The following ZNF610 variants were observed in gnomAD, a reference collection of about 807,000 sequenced individuals.
ZNF610 encodes zinc finger protein 610.
A neutral mutation model predicts 14.1 loss-of-function variants in ZNF610; 14 were observed. The ratio of observed to expected loss-of-function variants is 0.99; its 90% CI spans 0.65 to 1.55. ZNF610 has a LOEUF of 1.55. Among genes scored for constraint, ZNF610 ranks in the 40% most tolerant of loss-of-function variants. The probability of loss-of-function intolerance (pLI) is 0.00; values close to 1 mark genes in which losing one functional copy is unlikely to be tolerated. For synonymous variants in ZNF610, 185 were observed against 187.6 expected, an observed-to-expected ratio of 0.99 and a Z score of 0.11; for missense variants, 530 against 558.0, an observed-to-expected ratio of 0.95 and a Z score of 0.51.
In ZNF610 at chr19:52,367,761, TAA is replaced by T. The variant is rs1203170672; in HGVS notation, c.*996_*997del. 1.3e-5 allele frequency: 2 copies of T among 152,178 alleles called. No homozygotes were observed. The highest frequency in any genetic ancestry group is 2.9e-5 in the Non-Finnish European group (2 of 68,044). 9.4% of individuals were successfully genotyped at this position (152,178 alleles called of 1,614,324 possible). A position where few individuals can be genotyped will look rare whatever the true frequency, so the allele number is the denominator to read the frequency against. Reference sequence around the variant, plus strand: ...TACACCCTCAAATGTGTGTGAGTGTTAAAGAGTATGCCCTGTATTGTGTTTCT... The same window carrying T: ...TACACCCTCAAATGTGTGTGAGTGTTAGAGTATGCCCTGTATTGTGTTTCT... On this transcript the variant is annotated 3_prime_UTR_variant, in exon 6 of 6. Transcript: ENST00000403906.
chr19:52,353,914 C>A lies in ZNF610; in HGVS notation c.190+106C>A, dbSNP rs567661583. 1.6e-4 allele frequency: 223 copies of A among 1,386,358 alleles called. No individual in the cohort carries two copies. In the African/African-American group the frequency reaches 2.9e-3, roughly 18 times the overall value. 85.9% of individuals were successfully genotyped at this position (1,386,358 alleles called of 1,614,324 possible). A position where few individuals can be genotyped will look rare whatever the true frequency, so the allele number is the denominator to read the frequency against. On this transcript the variant is annotated intron_variant, in intron 4 of 5. Transcript: ENST00000403906. The stretch of plus-strand genomic sequence containing the variant: ...CTAAATTGCTTAACTGAGGTAGAAA[C>A]CTTGTTGACTCAGAAATGAAAAGCT...
chr19:52,334,591 A>G (rs905511766), upstream of ZNF610, among the ~76,000 whole-genome samples: 1 of 152,210 alleles, frequency 6.6e-6, no homozygotes, highest in African/African-American at 2.4e-5. Flanking sequence ...ATTTTCTAGG[A>G]AAATGTACTC....
chr19:52,366,841 A>C lies in ZNF610; in HGVS notation c.*74A>C, dbSNP rs1986123072. 8.2e-7 allele frequency: 1 copy of C among 1,212,192 alleles called. No homozygotes were observed. The highest frequency in any genetic ancestry group is 1.2e-6 in the Non-Finnish European group (1 of 863,928). The allele number at this position is 1,212,192 out of a possible 1,614,324, so 75.1% of individuals were successfully genotyped here. ...GACTCAGGAGAAAAACCTTACAAAT[A>C]TCATAAATGTGGCAAAGAATTTAGT... is the stretch of plus-strand genomic sequence containing the variant. On this transcript the variant is annotated 3_prime_UTR_variant, in exon 6 of 6. Coordinates refer to ENST00000403906, the MANE Select transcript of ZNF610 (RefSeq NM_001161425.2).
At chr19:52,363,356 C>T (rs1440355012) in intron 5 of ZNF610, among the ~76,000 whole-genome samples, 3 of 152,126 alleles carry the variant, frequency 2.0e-5, no homozygotes, top group Non-Finnish European at 4.4e-5. Context: ...GTATCAAACT[C>T]CTGGCCTCAA....
chr19:52,363,126 C>CTT lies in ZNF610; in HGVS notation c.320-2572_320-2571insTT, dbSNP rs201606200. On this transcript the variant is annotated intron_variant, in intron 5 of 5. Transcript: ENST00000403906. ...AACCCCCTTCTCTTTGGTTCTATCC[C>CTT]CTTTTTTTTTTTTTTTTGAGACATA... Among the ~76,000 whole-genome samples, 400 of 148,030 alleles carry CTT rather than the reference C, an allele frequency of 2.7e-3. 1 individual carries two copies. The highest frequency in any genetic ancestry group is 9.5e-3 in the African/African-American group (384 of 40,266).
At chr19:52,352,698 T>G (rs2122228691) in intron 3 of ZNF610, among the ~76,000 whole-genome samples, 1 of 152,296 alleles carries the variant, frequency 6.6e-6, no homozygotes, top group South Asian at 2.1e-4. Context: ...TTCTGGTCCC[T>G]GCTCAGGCAT....
chr19:52,367,753 G>A lies in ZNF610; in HGVS notation c.*986G>A, dbSNP rs1986182739. 6.6e-6 allele frequency: 1 copy of A among 152,128 alleles called. No individual in the cohort carries two copies. The highest frequency in any genetic ancestry group is 6.6e-5 in the Admixed American group (1 of 15,254). 9.4% of individuals were successfully genotyped at this position (152,128 alleles called of 1,614,324 possible). The stretch of plus-strand genomic sequence containing the variant: ...CAGCCTTGTACACCCTCAAATGTGT[G>A]TGAGTGTTAAAGAGTATGCCCTGTA... On this transcript the variant is annotated 3_prime_UTR_variant, in exon 6 of 6. Coordinates refer to ENST00000403906, the MANE Select transcript of ZNF610 (RefSeq NM_001161425.2).
chr19:52,347,370 A>G (rs1985010612), intron 1 of ZNF610: 1 of 152,220 alleles, frequency 6.6e-6, no homozygotes, highest in Non-Finnish European at 1.5e-5. Flanking sequence ...GTACAGCTAT[A>G]TAACGTGTGT....
At chr19:52,355,380 C>T (rs1316207544) in intron 5 of ZNF610, among the ~76,000 whole-genome samples, 2 of 152,154 alleles carry the variant, frequency 1.3e-5, no homozygotes, top group East Asian at 1.9e-4. Flanking sequence ...TGCCTCCAGC[C>T]CCCTCTGCCT....
At chr19:52,335,625 G>A (rs1487782593), upstream of ZNF610, among the ~76,000 whole-genome samples, 1 of 152,116 alleles carries the variant, frequency 6.6e-6, no homozygotes, top group Non-Finnish European at 1.5e-5. Flanking sequence ...GCAGAAGAAC[G>A]TGAAAACACT....
Position 52,365,866 on chromosome 19 carries a change from C to G in ZNF610, c.488C>G (p.Pro163Arg). The change falls in exon 6 of 6, where the codon CCA (proline) becomes CGA (arginine). Residue 163 changes from proline (P) to arginine (R), a missense_variant. Transcript: ENST00000403906. ...ACAAACCATCGTTCCTCAGTTTCACCACTTCAAAAAATTTCTTCTAGTTTC... is the reference window on the plus strand; with the variant it reads ...ACAAACCATCGTTCCTCAGTTTCACGACTTCAAAAAATTTCTTCTAGTTTC... Reference protein sequence around the residue: ...KFTNHRSSVSPLQKISSSFTT... With the variant: ...KFTNHRSSVSRLQKISSSFTT... 3.7e-6 allele frequency: 6 copies of G among 1,613,374 alleles called. No individual in the cohort carries two copies. Among genetic ancestry groups the G allele is most frequent in the South Asian group, 1.1e-5 (1 of 90,744 alleles).
chr19:52,362,975 AT>A (rs1985852987), intron 5 of ZNF610, among the ~76,000 whole-genome samples: 1 of 151,672 alleles, frequency 6.6e-6, no homozygotes. Flanking sequence ...ATTTTTATTT[AT>A]TTATTTTTAT....
intron 5 of ZNF610, among the ~76,000 whole-genome samples, chr19:52,357,472 C>T (rs561629584): frequency 3.9e-5 from 6 of 151,998 alleles, no homozygotes; most frequent in East Asian, 1.9e-4. Flanking sequence ...GGTGAAACCC[C>T]GTCTTTACTA....
intron 2 of ZNF610, among the ~76,000 whole-genome samples, chr19:52,348,602 C>T (rs1237673076): frequency 6.6e-6 from 1 of 152,136 alleles, no homozygotes; most frequent in East Asian, 1.9e-4. Flanking sequence ...TCCCCAAGCA[C>T]GTGAATATTG....
Position 52,366,508 on chromosome 19 carries a change from G to C in ZNF610, c.1130G>C (p.Cys377Ser). 6.2e-7 allele frequency: 1 copy of C among 1,614,214 alleles called. No homozygotes were observed. ...GAGAAGCCCTACAAATGTAACGAAT[G>C]TGGAAGAGCATTTCACAAGCGTCCG... The part of the protein sequence containing the change: ...STEKPYKCNE[C>S]GRAFHKRPGL... Residue 377 changes from cysteine to serine, a missense_variant, in exon 6 of 6, where the codon TGT (cysteine) becomes TCT (serine). Transcript: ENST00000403906.
intron 1 of ZNF610, among the ~76,000 whole-genome samples, chr19:52,343,878 T>A (rs1368608898): frequency 2.6e-5 from 4 of 152,108 alleles, no homozygotes; most frequent in African/African-American, 7.2e-5. Context: ...CAGCCTCTGG[T>A]CTCACAGTGC....
chr19:52,357,236 G>C lies in ZNF610; in HGVS notation c.319+2857G>C, dbSNP rs1985564636. ...CCACAGCGTATTTTAAAGGCTCCAGGCCCGGCATGGTACCTCATATCTGTA... is the reference window on the plus strand; with the variant it reads ...CCACAGCGTATTTTAAAGGCTCCAGCCCCGGCATGGTACCTCATATCTGTA... On this transcript the variant is annotated intron_variant, in intron 5 of 5. Transcript: ENST00000403906. 2.0e-5 allele frequency among the ~76,000 whole-genome samples: 3 copies of C among 152,146 alleles called. No individual in the cohort carries two copies. In the South Asian group the frequency reaches 6.2e-4, roughly 31 times the overall value.
chr19:52,333,686 A>C (rs1984259465), upstream of ZNF610, among the ~76,000 whole-genome samples: 1 of 152,220 alleles, frequency 6.6e-6, no homozygotes, highest in African/African-American at 2.4e-5. Flanking sequence ...GAGTAATTAA[A>C]AGCTAGGCAT....
At chr19:52,338,551 G>A (rs567901588) in intron 1 of ZNF610, among the ~76,000 whole-genome samples, 52 of 152,244 alleles carry the variant, frequency 3.4e-4, no homozygotes, top group African/African-American at 1.2e-3. Flanking sequence ...TGCGCATGGT[G>A]GCGTGTGCCT....
Sources: allele counts gnomAD v4.1 joint callset (sites outside exome capture counted in the v4.1 genomes callset), GRCh38; gene constraint gnomAD v4.1.1; transcripts MANE v1.5; gene names NCBI Gene and HGNC (gene_info 2026-07-23, HGNC 2026-07-21).